Variants in PAFAH2 observed in about 807,000 individuals in gnomAD.
PAFAH2 encodes platelet-activating factor acetylhydrolase 2, cytoplasmic.
A neutral mutation model predicts 49.0 loss-of-function variants in PAFAH2; 42 were observed. That is an observed-to-expected ratio of 0.86 (90% CI 0.67 to 1.11). The LOEUF (loss-of-function observed/expected upper bound fraction) is 1.11. Among genes scored for constraint, PAFAH2 ranks in the 50% least tolerant of loss-of-function variants. PAFAH2 has a pLI of 0.00. For missense variants in PAFAH2, 503 were observed against 501.8 expected (o/e 1.00, Z -0.02); for synonymous variants, 184 against 181.3 (o/e 1.01, Z -0.12).
intron 10 of PAFAH2, among the ~76,000 whole-genome samples, chr1:25,967,292 G>A (rs1297693479): frequency 1.3e-5 from 2 of 152,276 alleles, no homozygotes; most frequent in East Asian, 3.9e-4. Context: ...ATGGAGCTAC[G>A]ATTAACGAAG....
At chr1:25,963,290 T>C (rs1212080969) in intron 10 of PAFAH2, among the ~76,000 whole-genome samples, 1 of 152,162 alleles carries the variant, frequency 6.6e-6, no homozygotes, top group Non-Finnish European at 1.5e-5. Flanking sequence ...ACTCTGTTCT[T>C]TGAGCTAAAA....
At chr1:25,965,876 G>GA (rs35780536) in intron 10 of PAFAH2, among the ~76,000 whole-genome samples, 1,494 of 108,110 alleles carry the variant, frequency 0.014, 29 homozygotes, top group African/African-American at 0.066. Flanking sequence ...AACTCAACAA[G>GA]AAAAAAAAAA....
At chr1:25,996,120 T>C (rs548397474) in intron 1 of PAFAH2, among the ~76,000 whole-genome samples, 3 of 151,676 alleles carry the variant, frequency 2.0e-5, no homozygotes, top group African/African-American at 7.3e-5. Flanking sequence ...CTTTGGGAGA[T>C]CAAATGGGAA....
At chr1:25,988,202 G>A (rs375426151) in intron 4 of PAFAH2, 29 bp downstream of exon 4, 47 of 1,445,710 alleles carry the variant, frequency 3.3e-5, no homozygotes, top group Non-Finnish European at 4.3e-5. Context: ...CAAGGAGTAT[G>A]GCAAGGTCTG....
At chr1:25,987,731 AT>A (rs1309561377) in intron 4 of PAFAH2, among the ~76,000 whole-genome samples, 5 of 133,320 alleles carry the variant, frequency 3.8e-5, no homozygotes, top group Admixed American at 7.8e-5. Context: ...AAAAAAAAAA[AT>A]TTAAAAATAG....
At chr1:25,978,299 C>T (rs1373036799) in intron 7 of PAFAH2, among the ~76,000 whole-genome samples, 10 of 152,082 alleles carry the variant, frequency 6.6e-5, no homozygotes, top group Non-Finnish European at 1.2e-4. Flanking sequence ...TATAGTTGCC[C>T]GCCACCTACC....
chr1:25,993,755 A>T (rs2992055), intron 1 of PAFAH2, among the ~76,000 whole-genome samples: 1 of 151,994 alleles, frequency 6.6e-6, no homozygotes, highest in Non-Finnish European at 1.5e-5. Flanking sequence ...GAGGTCTGCA[A>T]ATGGAAGACC....
intron 3 of PAFAH2, among the ~76,000 whole-genome samples, chr1:25,988,633 T>C (rs551143056): frequency 1.3e-5 from 2 of 151,004 alleles, no homozygotes; most frequent in South Asian, 4.2e-4. Context: ...TGAAACCCCG[T>C]CTCTACTAAA....
At chr1:25,962,338 T>C (rs553267103) in intron 10 of PAFAH2, among the ~76,000 whole-genome samples, 26 of 152,248 alleles carry the variant, frequency 1.7e-4, no homozygotes, top group Non-Finnish European at 3.1e-4. Context: ...TGATGGAGAA[T>C]TCATTCTAAG....
At chr1:25,983,805 T>C (rs1200649455) in intron 6 of PAFAH2, 141 bp downstream of exon 6, 2 of 909,426 alleles carry the variant, frequency 2.2e-6, no homozygotes, top group Non-Finnish European at 3.4e-6. Flanking sequence ...ATTAATATCC[T>C]ATGTATTTCC....
chr1:25,978,946 A>T (rs935869303), intron 7 of PAFAH2, among the ~76,000 whole-genome samples: 1 of 152,256 alleles, frequency 6.6e-6, no homozygotes, highest in African/African-American at 2.4e-5. Flanking sequence ...GGTTACTATC[A>T]AACTTTTGCC....
chr1:25,989,735 T>C (rs551900610), intron 2 of PAFAH2, 134 bp from the exon 3 acceptor site: 31 of 588,254 alleles, frequency 5.3e-5, no homozygotes, highest in Admixed American at 2.1e-4. Context: ...TCAATTAGCA[T>C]GCCTGAATTT....
rs761499257 is a variant in PAFAH2, at chr1:25,972,633, G to A, written c.1009C>T (p.Arg337Cys). The A allele has an allele frequency of 1.4e-5, 23 of 1,613,688 alleles. No individual in the cohort carries two copies. The highest frequency in any genetic ancestry group is 8.0e-5 in the African/African-American group (6 of 74,894). Residue 337 changes from arginine to cysteine, a missense_variant, in exon 10 of 11, where the codon CGT becomes TGT. Coordinates refer to ENST00000374282, the MANE Select transcript of PAFAH2 (RefSeq NM_000437.4). The part of the protein sequence containing the change: ...LIGKFFSTET[R>C]GSLDPYEGQE... ...CCTTCATAGGGGTCCAGGCTCCCACGGGTTTCAGTGGAGAAGAATTTACCA... is the reference window on the plus strand; with the variant it reads ...CCTTCATAGGGGTCCAGGCTCCCACAGGTTTCAGTGGAGAAGAATTTACCA...
chr1:25,972,722 A>C lies in PAFAH2; in HGVS notation c.930-10T>G, dbSNP rs1228906044. 6.2e-7 allele frequency: 1 copy of C among 1,613,952 alleles called. No individual in the cohort carries two copies. The highest frequency in any genetic ancestry group is 8.5e-7 in the Non-Finnish European group (1 of 1,179,842). ...CCGATGAACAGAACCACTAGGGGAA[A>C]AGAAAAACAACTGGCAGGGGTCTGG... is the stretch of plus-strand genomic sequence containing the variant. On this transcript the variant is annotated splice_polypyrimidine_tract_variant and intron_variant, in intron 9 of 10. Transcript: ENST00000374282.
At chr1:25,969,624 C>A (rs980709738) in intron 10 of PAFAH2, among the ~76,000 whole-genome samples, 4 of 152,138 alleles carry the variant, frequency 2.6e-5, no homozygotes, top group African/African-American at 9.7e-5. Flanking sequence ...GAATTACACG[C>A]GATAAAGCAG....
intron 7 of PAFAH2, among the ~76,000 whole-genome samples, chr1:25,979,753 G>A (rs1169552460): frequency 6.6e-6 from 1 of 151,990 alleles, no homozygotes; most frequent in Non-Finnish European, 1.5e-5. Flanking sequence ...GCCTCCCAAA[G>A]TGCTGGGATT....
intron 7 of PAFAH2, among the ~76,000 whole-genome samples, chr1:25,980,760 G>A (rs1173194217): frequency 6.6e-6 from 1 of 151,832 alleles, no homozygotes; most frequent in Non-Finnish European, 1.5e-5. Context: ...GCTCACACCT[G>A]TAATCCCAAC....
intron 4 of PAFAH2, among the ~76,000 whole-genome samples, chr1:25,985,178 C>T (rs2049764192): frequency 6.6e-6 from 1 of 152,284 alleles, no homozygotes; most frequent in East Asian, 1.9e-4. Flanking sequence ...TTTCTGATCC[C>T]TTCCCAGTTC....
At chr1:25,978,663 T>G (rs2049633283) in intron 7 of PAFAH2, among the ~76,000 whole-genome samples, 1 of 152,222 alleles carries the variant, frequency 6.6e-6, no homozygotes, top group Admixed American at 6.5e-5. Flanking sequence ...TCTATGCCCT[T>G]TCCCATTCTG....
Sources: gnomAD v4.1 joint callset for allele counts (sites outside exome capture counted in the v4.1 genomes callset) on GRCh38, gnomAD v4.1.1 for gene constraint, MANE v1.5 for transcripts, NCBI Gene and HGNC (gene_info 2026-07-23, HGNC 2026-07-21) for gene names.